USP34: variants seen among roughly 807,000 people sequenced by gnomAD.
The protein encoded by USP34 is ubiquitin specific peptidase 34, also known as ubiquitin carboxyl-terminal hydrolase 34.
Under a neutral mutation model 460.3 loss-of-function variants are expected in USP34, and 70 were observed. That is an observed-to-expected ratio of 0.15 (90% confidence interval 0.13 to 0.19). The LOEUF (loss-of-function observed/expected upper bound fraction) is 0.19, where lower values mean the gene tolerates loss of function less well. USP34 is among the 10% of genes least tolerant of loss of function. USP34 has a pLI of 1.00. For missense variants in USP34, 3,985 were observed against 4,236.2 expected (o/e 0.94, Z 1.65); for synonymous variants, 1,647 against 1,405.3 (o/e 1.17, Z -3.85).
intron 19 of USP34, among the ~76,000 whole-genome samples, chr2:61,333,176 G>A (rs944595220): frequency 1.3e-5 from 2 of 151,958 alleles, no homozygotes; most frequent in African/African-American, 2.4e-5. Context: ...ACATGGGGTC[G>A]ATTTCACATA....
intron 10 of USP34, among the ~76,000 whole-genome samples, chr2:61,360,370 T>A (rs1017714589): frequency 6.6e-6 from 1 of 152,030 alleles, no homozygotes; most frequent in Non-Finnish European, 1.5e-5. Context: ...CAAGTTAATA[T>A]AAAAAAATCA....
chr2:61,465,013 C>A (rs1484393255), intron 1 of USP34, among the ~76,000 whole-genome samples: 1 of 152,074 alleles, frequency 6.6e-6, no homozygotes, highest in Non-Finnish European at 1.5e-5. Flanking sequence ...AAAATGATAA[C>A]AGCAAAATTT....
In USP34 at chr2:61,339,619, C is replaced by G; in HGVS notation, c.2563G>C (p.Val855Leu). 6.3e-7 allele frequency: 1 copy of G among 1,579,256 alleles called. No individual in the cohort carries two copies. The highest frequency in any genetic ancestry group is 8.6e-7 in the Non-Finnish European group (1 of 1,168,740). The change falls in exon 17 of 80, where the codon GTT (valine) becomes CTT (leucine). Residue 855 changes from valine to leucine, a missense_variant. Val to Leu is a conservative substitution (Grantham distance 32). Around this residue, in one of 14 missense-constraint regions of USP34, gnomAD observed 716 missense variants for 626.2 expected, o/e 1.14. Transcript: ENST00000398571. ...AACAAAGTATTTCCTTTCTTGCAAACATTATCCAAATTAATGTCTGTAACA... is the reference window on the plus strand; with the variant it reads ...AACAAAGTATTTCCTTTCTTGCAAAGATTATCCAAATTAATGTCTGTAACA... ...NAVTDINLDN[V>L]CKKGNTLLWD...
At chr2:61,412,990 T>C (rs906368379) in intron 2 of USP34, among the ~76,000 whole-genome samples, 21 of 149,762 alleles carry the variant, frequency 1.4e-4, no homozygotes, top group African/African-American at 5.2e-4. Flanking sequence ...AATATGGAGG[T>C]AAGGAAATTA....
At chr2:61,229,661 G>C (rs367583709) in intron 58 of USP34, 28 bp from the exon 59 acceptor site, 2 of 1,568,506 alleles carry the variant, frequency 1.3e-6, no homozygotes, top group Non-Finnish European at 1.7e-6. Context: ...GATCAAACAA[G>C]AGCCAACTCA....
chr2:61,271,756 G>A (rs1210390507), intron 41 of USP34, among the ~76,000 whole-genome samples: 3 of 152,158 alleles, frequency 2.0e-5, no homozygotes, highest in Non-Finnish European at 4.4e-5. Flanking sequence ...GCTGATGACA[G>A]ATTATTATGC....
intron 10 of USP34, among the ~76,000 whole-genome samples, chr2:61,356,500 T>TAC (rs1426336234): frequency 2.3e-5 from 3 of 128,482 alleles, no homozygotes. Context: ...CACACACACA[T>TAC]ACACACACAC....
At chr2:61,437,780 A>AAT (rs1209015544) in intron 1 of USP34, among the ~76,000 whole-genome samples, 1 of 147,104 alleles carries the variant, frequency 6.8e-6, no homozygotes, top group Non-Finnish European at 1.5e-5. Context: ...CTCAAAAATA[A>AAT]ATAAATAAAT....
intron 1 of USP34, among the ~76,000 whole-genome samples, chr2:61,450,613 A>G (rs1330054068): frequency 6.6e-6 from 1 of 152,090 alleles, no homozygotes; most frequent in Non-Finnish European, 1.5e-5. Context: ...AATACCAAAT[A>G]AATAATAAAG....
intron 1 of USP34, among the ~76,000 whole-genome samples, chr2:61,441,367 C>T (rs1694958829): frequency 6.6e-6 from 1 of 152,036 alleles, no homozygotes; most frequent in African/African-American, 2.4e-5. Flanking sequence ...CGCCCCACCT[C>T]CCAGCCCCTG....
At chr2:61,254,721 T>C (rs1046249426) in intron 48 of USP34, among the ~76,000 whole-genome samples, 5 of 152,226 alleles carry the variant, frequency 3.3e-5, no homozygotes, top group African/African-American at 1.2e-4. Context: ...TTTTGGAGGC[T>C]GAGGTGGGCG....
chr2:61,222,886 G>T, intron 64 of USP34, 174 bp downstream of exon 64: 1 of 686,714 alleles, frequency 1.5e-6, no homozygotes, highest in Non-Finnish European at 2.4e-6. Flanking sequence ...GTGTAGAGAC[G>T]GGTTCTCACT....
At chr2:61,283,596 TGA>T (rs562733689) in intron 35 of USP34, 147 bp from the exon 36 acceptor site, 13 of 495,116 alleles carry the variant, frequency 2.6e-5, no homozygotes, top group East Asian at 4.5e-5. Flanking sequence ...AGAGTGAGAG[TGA>T]GAGAGAGTGT....
intron 5 of USP34, among the ~76,000 whole-genome samples, chr2:61,392,198 G>A (rs562179826): frequency 6.6e-6 from 1 of 152,166 alleles, no homozygotes; most frequent in Non-Finnish European, 1.5e-5. Context: ...CAGGCGTGGT[G>A]ACATGCACCT....
rs140681363 is a variant in USP34, at chr2:61,338,117, T to C, written c.2744+1234A>G. ...CAGGAGGATCACCTGAGGTGAGGAGTTGAAGACCAGCCTGGCCAACATGGT... is the reference window on the plus strand; with the variant it reads ...CAGGAGGATCACCTGAGGTGAGGAGCTGAAGACCAGCCTGGCCAACATGGT... On this transcript the variant is annotated intron_variant, in intron 18 of 79. Transcript: ENST00000398571. Among the ~76,000 whole-genome samples, 12 of 151,692 alleles carry C rather than the reference T, an allele frequency of 7.9e-5. No individual in the cohort carries two copies. The East Asian group carries it at 1.8e-3, about 22-fold the overall frequency.
chr2:61,219,347 G>C lies in USP34; in HGVS notation c.8047+963C>G, dbSNP rs563030262. ...ATCAGTGATTTCTCCTAGGAGCCAT[G>C]AATTCTTTTACTGGAGAATGGTGTT... On this transcript the variant is annotated intron_variant, in intron 67 of 79. Coordinates refer to ENST00000398571, the MANE Select transcript of USP34 (RefSeq NM_014709.4). Among the ~76,000 whole-genome samples, 4 of 152,266 alleles carry C rather than the reference G, an allele frequency of 2.6e-5. No homozygotes were observed. The South Asian group carries it at 8.3e-4, about 32-fold the overall frequency.
At chr2:61,190,716 G>A (rs749360413) in intron 76 of USP34, 58 bp from the exon 77 acceptor site, 7 of 1,545,542 alleles carry the variant, frequency 4.5e-6, no homozygotes, top group South Asian at 2.5e-5. Flanking sequence ...AAACTTACAC[G>A]GAAAAAACTT....
intron 3 of USP34, among the ~76,000 whole-genome samples, chr2:61,396,622 G>A (rs1386941958): frequency 6.6e-6 from 1 of 151,810 alleles, no homozygotes; most frequent in Non-Finnish European, 1.5e-5. Context: ...CAGAGTAGCC[G>A]GGATTACAGG....
rs548663942 is a variant in USP34, at chr2:61,390,665, T to C, written c.753+4188A>G. On this transcript the variant is annotated intron_variant, in intron 5 of 79. Transcript: ENST00000398571. ...AGTTTTTGAGATTGAAACAAATGTATGGGCTTGACGTTATTATCAGATTTG... is the reference window on the plus strand; with the variant it reads ...AGTTTTTGAGATTGAAACAAATGTACGGGCTTGACGTTATTATCAGATTTG... Among the ~76,000 whole-genome samples the C allele has an allele frequency of 3.9e-5, 6 of 152,328 alleles. No homozygotes were observed. The South Asian group carries it at 8.3e-4, about 21-fold the overall frequency.
Sources: gnomAD v4.1 joint callset for allele counts (sites outside exome capture counted in the v4.1 genomes callset) on GRCh38, gnomAD v4.1.1 for gene constraint, gnomAD v4.1.1 regional missense constraint, MANE v1.5 for transcripts, NCBI Gene and HGNC (gene_info 2026-07-23, HGNC 2026-07-21) for gene names.